Variants in MICU3 observed in about 807,000 individuals in gnomAD.
MICU3 encodes calcium uptake protein 3, mitochondrial.
A neutral mutation model predicts 66.5 loss-of-function variants in MICU3; 62 were observed. The ratio of observed to expected loss-of-function variants is 0.93; its 90% CI spans 0.76 to 1.15. The LOEUF (loss-of-function observed/expected upper bound fraction) is 1.15. Ranked by LOEUF, MICU3 falls within the 50% of genes most tolerant of loss-of-function variation. The pLI is 0.00. For missense variants in MICU3, 779 were observed against 664.4 expected (o/e 1.17, Z -1.90); for synonymous variants, 308 against 240.7 (o/e 1.28, Z -2.59).
chr8:17,034,345 T>G (rs920424826), intron 1 of MICU3, among the ~76,000 whole-genome samples: 2 of 152,256 alleles, frequency 1.3e-5, no homozygotes, highest in Non-Finnish European at 2.9e-5. Context: ...GATGGAGATT[T>G]ACAAGGAGAT....
chr8:17,133,067 A>G, the MICU3 span: 1 of 152,218 alleles, frequency 6.6e-6, no homozygotes. Context: ...AGCATCTAGA[A>G]CTGTAAGAAA....
chr8:17,123,887 CTA>C (rs1803332710), downstream of MICU3, among the ~76,000 whole-genome samples: 1 of 148,614 alleles, frequency 6.7e-6, no homozygotes, highest in Non-Finnish European at 1.5e-5. Context: ...TTGCATAGAA[CTA>C]TGTTTTAGTT....
At chr8:17,138,111 C>T in the MICU3 span, among the ~76,000 whole-genome samples, 1 of 151,844 alleles carries the variant, frequency 6.6e-6, no homozygotes, top group Non-Finnish European at 1.5e-5. Flanking sequence ...CTCATGATAC[C>T]AAAGATGTCA....
In MICU3 at chr8:17,120,663, A is replaced by G. The variant is rs773634964; in HGVS notation, c.*376A>G. 1.3e-5 allele frequency: 2 copies of G among 152,310 alleles called. No individual in the cohort carries two copies. Among genetic ancestry groups the G allele is most frequent in the African/African-American group, 2.4e-5 (1 of 41,388 alleles). The allele number at this position is 152,310 out of a possible 1,614,324, so 9.4% of individuals were successfully genotyped here. The stretch of plus-strand genomic sequence containing the variant: ...TTTCAAAATAATTTATGACTCATGG[A>G]ATGTTGATCGCCTAAAAATGAACAT... On this transcript the variant is annotated 3_prime_UTR_variant, in exon 15 of 15. Coordinates refer to ENST00000318063, the MANE Select transcript of MICU3 (RefSeq NM_181723.3).
At position 17,118,749 on chromosome 8, in the gene MICU3, C is replaced by T; in HGVS notation, c.1567C>T (p.Leu523=). 1 of 1,612,278 alleles carries T rather than the reference C, an allele frequency of 6.2e-7. No homozygotes were observed. The highest frequency in any genetic ancestry group is 8.5e-7 in the Non-Finnish European group (1 of 1,178,688). ...VQKYPTFKSC[L]KKELHSR The stretch of plus-strand genomic sequence containing the variant: ...GAAGTACCCCACTTTCAAATCCTGC[C>T]TGAAGAAAGAACTTCACAGCAGATA... Residue 523 remains leucine, a synonymous_variant, in exon 14 of 15, where the codon CTG becomes TTG. Coordinates refer to ENST00000318063, the MANE Select transcript of MICU3 (RefSeq NM_181723.3).
chr8:17,119,531 G>GCATA (rs1445695982), intron 14 of MICU3, among the ~76,000 whole-genome samples: 25 of 101,164 alleles, frequency 2.5e-4, no homozygotes, highest in African/African-American at 1.3e-3. Flanking sequence ...CAAGCTTGAA[G>GCATA]CATAGATAGA....
At chr8:17,130,059 A>T in the MICU3 span, among the ~76,000 whole-genome samples, 1 of 152,332 alleles carries the variant, frequency 6.6e-6, no homozygotes, top group South Asian at 2.1e-4. Context: ...TCCGATAAAT[A>T]CTGTCGGAGA....
chr8:17,074,595 G>C (rs1389382145), intron 3 of MICU3, among the ~76,000 whole-genome samples: 6 of 42,474 alleles, frequency 1.4e-4, no homozygotes, highest in Non-Finnish European at 2.2e-4. Context: ...TAAAACGTGT[G>C]TGTGTGTGTG....
intron 11 of MICU3, among the ~76,000 whole-genome samples, chr8:17,106,744 T>C (rs1190948600): frequency 2.6e-5 from 4 of 151,578 alleles, no homozygotes; most frequent in Admixed American, 6.6e-5. Flanking sequence ...ATTTTTTTTT[T>C]CTACATTACC....
intron 3 of MICU3, among the ~76,000 whole-genome samples, chr8:17,074,862 C>G (rs1309582444): frequency 1.3e-5 from 2 of 151,704 alleles, no homozygotes; most frequent in African/African-American, 4.8e-5. Flanking sequence ...TATTTTCTAC[C>G]TACAATTTAA....
chr8:17,115,941 A>T (rs1320317718), intron 12 of MICU3, among the ~76,000 whole-genome samples: 2 of 152,108 alleles, frequency 1.3e-5, no homozygotes, highest in African/African-American at 4.8e-5. Context: ...ATAGGCTGAA[A>T]TTGTCCTTTT....
chr8:17,027,527 A>C lies in MICU3; in HGVS notation c.248A>C (p.Tyr83Ser), dbSNP rs1811200917. ...AGGGLVGLVC[Y>S]QLYGDPRAGS... ...GGGGGGCTGGTCGGCCTGGTATGCT[A>C]CCAGCTGTACGGGGACCCCAGGGCC... The change falls in exon 1 of 15, where the codon TAC becomes TCC. Residue 83 changes from tyrosine (Y) to serine (S), a missense_variant. Transcript: ENST00000318063. 7.8e-7 allele frequency: 1 copy of C among 1,281,244 alleles called. No individual in the cohort carries two copies. The highest frequency in any genetic ancestry group is 9.8e-7 in the Non-Finnish European group (1 of 1,016,884). The allele number at this position is 1,281,244 out of a possible 1,614,324, so 79.4% of individuals were successfully genotyped here.
intron 5 of MICU3, among the ~76,000 whole-genome samples, chr8:17,082,541 A>G (rs978648676): frequency 6.6e-6 from 1 of 152,168 alleles, no homozygotes; most frequent in Non-Finnish European, 1.5e-5. Flanking sequence ...CTTGAATGCA[A>G]GGTCCATTAT....
chr8:17,085,540 CCTTACATAA>C (rs1799380469), intron 6 of MICU3, among the ~76,000 whole-genome samples: 1 of 151,870 alleles, frequency 6.6e-6, no homozygotes, highest in Non-Finnish European at 1.5e-5. Flanking sequence ...TTGTTTTTTA[CCTTACATAA>C]AAGTGTGAAA....
chr8:17,070,067 A>G (rs990588069), intron 3 of MICU3, among the ~76,000 whole-genome samples: 1 of 152,154 alleles, frequency 6.6e-6, no homozygotes, highest in Admixed American at 6.6e-5. Context: ...GTGCATGCGC[A>G]TGTACCTTGT....
chr8:17,031,196 G>A (rs1436692098), intron 1 of MICU3, among the ~76,000 whole-genome samples: 2 of 151,388 alleles, frequency 1.3e-5, no homozygotes, highest in East Asian at 1.9e-4. Context: ...CCAGCCTAGG[G>A]GACAGAGCAT....
At chr8:17,068,935 A>G (rs1819128530) in intron 2 of MICU3, among the ~76,000 whole-genome samples, 1 of 152,108 alleles carries the variant, frequency 6.6e-6, no homozygotes, top group Non-Finnish European at 1.5e-5. Context: ...GCTAATTCTT[A>G]GGCAGGCATT....
Position 17,068,506 on chromosome 8 carries a change from T to C in MICU3, c.536-1182T>C, listed in dbSNP as rs548630244. Among the ~76,000 whole-genome samples the C allele has an allele frequency of 3.3e-5, 5 of 152,310 alleles. 1 individual carries two copies. Among genetic ancestry groups the C allele is most frequent in the African/African-American group, 1.2e-4 (5 of 41,580 alleles). ...AGAATAATAAATACTATTTGTATTG[T>C]TCTGTTCATTGTTAAAAGGGAAGTG... On this transcript the variant is annotated intron_variant, in intron 2 of 14. Coordinates refer to ENST00000318063, the MANE Select transcript of MICU3 (RefSeq NM_181723.3).
chr8:17,037,607 G>A (rs75759704), intron 1 of MICU3, among the ~76,000 whole-genome samples: 22,115 of 152,152 alleles, frequency 0.15, 2,046 homozygotes, highest in East Asian at 0.34. Context: ...GATATGTGGG[G>A]TCAGAGCCCA....
Sources: allele counts gnomAD v4.1 joint callset (sites outside exome capture counted in the v4.1 genomes callset), GRCh38; gene constraint gnomAD v4.1.1; transcripts MANE v1.5; gene names NCBI Gene and HGNC (gene_info 2026-07-23, HGNC 2026-07-21).